The following XXYLT1 variants were observed in gnomAD, a reference collection of about 807,000 sequenced individuals.
The protein encoded by XXYLT1 is UDP-xylose:alpha-xyloside alpha-1,3-xylosyltransferase.
A neutral mutation model predicts 28.9 loss-of-function variants in XXYLT1; 20 were observed. The observed-to-expected ratio is 0.69, with a 90% CI of 0.49 to 1.00. The LOEUF is 1.00. Ranked by LOEUF, XXYLT1 falls within the 50% of genes least tolerant of loss-of-function variation. The probability of loss-of-function intolerance (pLI) is 0.00; values close to 1 mark genes in which losing one functional copy is unlikely to be tolerated. For synonymous variants in XXYLT1, 257 were observed against 253.8 expected (o/e 1.01, Z -0.12); for missense variants, 542 against 560.1 (o/e 0.97, Z 0.33).
chr3:195,237,501 A>G (rs1180528339), intron 1 of XXYLT1, among the ~76,000 whole-genome samples: 1 of 151,926 alleles, frequency 6.6e-6, no homozygotes, highest in East Asian at 1.9e-4. Context: ...TATGAAGTTA[A>G]AACCAGGTAC....
intron 2 of XXYLT1, among the ~76,000 whole-genome samples, chr3:195,163,187 A>G (rs541153987): frequency 6.6e-6 from 1 of 152,286 alleles, no homozygotes; most frequent in East Asian, 1.9e-4. Context: ...TTTTCTGAAA[A>G]TAATGATACA....
At position 195,257,718 on chromosome 3, in the gene XXYLT1, C is replaced by T. The variant is rs953128898; in HGVS notation, c.504+12837G>A. ...CAACCCAGAGAGCCACACACTCACCCAGCCAGGCCGCCCTACCCCAGCTGC... is the reference window on the plus strand; with the variant it reads ...CAACCCAGAGAGCCACACACTCACCTAGCCAGGCCGCCCTACCCCAGCTGC... On this transcript the variant is annotated intron_variant, in intron 1 of 3. Coordinates refer to ENST00000310380, the MANE Select transcript of XXYLT1 (RefSeq NM_152531.5). The surrounding 1 kb of genome is among the most constrained non-coding windows in gnomAD (Gnocchi z 4.3). Among the ~76,000 whole-genome samples the T allele has an allele frequency of 6.6e-6, 1 of 152,104 alleles. No homozygotes were observed. Among genetic ancestry groups the T allele is most frequent in the Non-Finnish European group, 1.5e-5 (1 of 67,994 alleles).
At chr3:195,220,440 G>A (rs1169892384) in intron 2 of XXYLT1, among the ~76,000 whole-genome samples, 2 of 152,300 alleles carry the variant, frequency 1.3e-5, no homozygotes, top group South Asian at 2.1e-4. Flanking sequence ...CACCTCGCCC[G>A]GCCGGGCCCA....
chr3:195,212,994 A>G (rs991750713), intron 2 of XXYLT1, among the ~76,000 whole-genome samples: 2 of 152,210 alleles, frequency 1.3e-5, no homozygotes, highest in Non-Finnish European at 2.9e-5. Context: ...GGCCCCCACC[A>G]CAATTCATGA....
intron 2 of XXYLT1, among the ~76,000 whole-genome samples, chr3:195,201,172 C>T (rs1015500035): frequency 6.6e-6 from 1 of 152,192 alleles, no homozygotes; most frequent in Non-Finnish European, 1.5e-5. Flanking sequence ...AAGCACCTCT[C>T]CCAGAATCTT....
Position 195,076,216 on chromosome 3 carries a change from G to T in XXYLT1, c.786-6105C>A, listed in dbSNP as rs1043999725. On this transcript the variant is annotated intron_variant, in intron 3 of 3. Coordinates refer to ENST00000310380, the MANE Select transcript of XXYLT1 (RefSeq NM_152531.5). This position sits in a 1 kb window ranked among gnomAD's most constrained non-coding sequence, Gnocchi z 5.3. ...CCTGGAGGAAGGTCTGGGGGCTCGGGGAAGTGAGAAAAGAGGTGACATCTG... is the reference window on the plus strand; with the variant it reads ...CCTGGAGGAAGGTCTGGGGGCTCGGTGAAGTGAGAAAAGAGGTGACATCTG... Among the ~76,000 whole-genome samples, 1 of 152,166 alleles carries T rather than the reference G, an allele frequency of 6.6e-6. No individual in the cohort carries two copies. Among genetic ancestry groups the T allele is most frequent in the Non-Finnish European group, 1.5e-5 (1 of 68,028 alleles).
chr3:195,268,145 G>A (rs1438817120), intron 1 of XXYLT1, among the ~76,000 whole-genome samples: 1 of 151,946 alleles, frequency 6.6e-6, no homozygotes, highest in Admixed American at 6.6e-5. Flanking sequence ...ACAAAGTAAC[G>A]GAGGCCAGGC....
In XXYLT1 at chr3:195,270,774, C is replaced by T; in HGVS notation, c.285G>A (p.Gly95=). ...TCATCAGCAGGTGGTAGTCCACCGG[C>T]CCGGCACCGCCGCCCTCCAAGCTCT... ...KAKSLEGGGA[G]PVDYHLLMMF... Residue 95 remains glycine, a synonymous_variant, in exon 1 of 4, where the codon GGG becomes GGA. Transcript: ENST00000310380. 2 of 1,573,630 alleles carry T rather than the reference C, an allele frequency of 1.3e-6. No individual in the cohort carries two copies. Among genetic ancestry groups the T allele is most frequent in the Admixed American group, 1.8e-5 (1 of 55,644 alleles).
chr3:195,180,525 A>T lies in XXYLT1; in HGVS notation c.653-23944T>A. ...TCCTGGCTCTGTAGCCCTTGAAAAG[A>T]AGCAAACAAACAGATAAGGGTCAGC... On this transcript the variant is annotated intron_variant, in intron 2 of 3. Coordinates refer to ENST00000310380, the MANE Select transcript of XXYLT1 (RefSeq NM_152531.5). This position sits in a 1 kb window ranked among gnomAD's most constrained non-coding sequence, Gnocchi z 5.8. 1 of 985,460 alleles carries T rather than the reference A, an allele frequency of 1.0e-6. No homozygotes were observed. The highest frequency in any genetic ancestry group is 1.7e-5 in the African/African-American group (1 of 57,322). 61.0% of individuals were successfully genotyped at this position (985,460 alleles called of 1,614,324 possible). A position where few individuals can be genotyped will look rare whatever the true frequency, so the allele number is the denominator to read the frequency against.
chr3:195,148,326 T>C (rs1371901098), intron 3 of XXYLT1, among the ~76,000 whole-genome samples: 1 of 152,188 alleles, frequency 6.6e-6, no homozygotes, highest in Non-Finnish European at 1.5e-5. Context: ...ACAAAAACAC[T>C]TAGCCCAGTT....
At chr3:195,197,167 T>C (rs556494543) in intron 2 of XXYLT1, among the ~76,000 whole-genome samples, 3 of 152,246 alleles carry the variant, frequency 2.0e-5, no homozygotes, top group Non-Finnish European at 4.4e-5. Flanking sequence ...CCAGGCACAG[T>C]GGCTCACGCC....
intron 3 of XXYLT1, among the ~76,000 whole-genome samples, chr3:195,107,200 G>T (rs966449616): frequency 6.6e-6 from 1 of 152,010 alleles, no homozygotes; most frequent in African/African-American, 2.4e-5. Context: ...GTGGCCGGGT[G>T]CGGTGGCTCA....
chr3:195,082,211 C>T (rs1039899600), intron 3 of XXYLT1, among the ~76,000 whole-genome samples: 2 of 152,118 alleles, frequency 1.3e-5, no homozygotes, highest in Admixed American at 1.3e-4. Context: ...GGGTGGCGGG[C>T]GCGTAAGGCA....
At chr3:195,096,291 G>A (rs1716439188) in intron 3 of XXYLT1, among the ~76,000 whole-genome samples, 2 of 152,218 alleles carry the variant, frequency 1.3e-5, no homozygotes, top group African/African-American at 4.8e-5. Context: ...GGATCTGTGT[G>A]GCCAGACGGG....
chr3:195,116,582 A>G (rs886096517), intron 3 of XXYLT1, among the ~76,000 whole-genome samples: 2 of 152,164 alleles, frequency 1.3e-5, no homozygotes, highest in Non-Finnish European at 2.9e-5. Flanking sequence ...AATCCACAGG[A>G]CAACTTATCA....
chr3:195,267,516 T>A (rs574520313), intron 1 of XXYLT1, among the ~76,000 whole-genome samples: 1 of 152,284 alleles, frequency 6.6e-6, no homozygotes, highest in South Asian at 2.1e-4. Context: ...GAGTGAGAAA[T>A]TCTAGTTTCC....
At position 195,150,854 on chromosome 3, in the gene XXYLT1, TCA is replaced by T. The variant is rs770508897; in HGVS notation, c.785+5593_785+5594del. ...CATACGCACACTCTCTCACACACTC[TCA>T]CACACACACACACTCTCTCCCTCTC... On this transcript the variant is annotated intron_variant, in intron 3 of 3. Transcript: ENST00000310380. This position sits in a 1 kb window ranked among gnomAD's most constrained non-coding sequence, Gnocchi z 4.7. 2.3e-5 allele frequency among the ~76,000 whole-genome samples: 2 copies of T among 87,058 alleles called. No individual in the cohort carries two copies. Among genetic ancestry groups the T allele is most frequent in the Non-Finnish European group, 4.4e-5 (2 of 45,138 alleles). The allele number at this position is 87,058 out of a possible 152,430, so 57.1% of individuals were successfully genotyped here.
chr3:195,091,045 A>G (rs1716104609), intron 3 of XXYLT1, among the ~76,000 whole-genome samples: 3 of 150,650 alleles, frequency 2.0e-5, no homozygotes, highest in African/African-American at 7.4e-5. Context: ...ATAGCTTACC[A>G]ATCAAAAAGA....
At chr3:195,252,382 C>T (rs1041762677) in intron 1 of XXYLT1, among the ~76,000 whole-genome samples, 3 of 152,130 alleles carry the variant, frequency 2.0e-5, no homozygotes, top group Admixed American at 6.5e-5. Flanking sequence ...ATTTAACTTA[C>T]ACAGTAGAAA....
Sources: allele counts gnomAD v4.1 joint callset (sites outside exome capture counted in the v4.1 genomes callset), GRCh38; gene constraint gnomAD v4.1.1; non-coding constraint Gnocchi (gnomAD v3.1); transcripts MANE v1.5; gene names NCBI Gene and HGNC (gene_info 2026-07-23, HGNC 2026-07-21).